The following EHF variants were observed in gnomAD, a reference collection of about 807,000 sequenced individuals.
The protein encoded by EHF is ETS homologous factor, also known as ESE3 transcription factor.
A neutral mutation model predicts 45.1 loss-of-function variants in EHF; 14 were observed. The observed-to-expected ratio is 0.31, with a 90% CI of 0.21 to 0.49. EHF has a LOEUF of 0.49. EHF is among the 20% of genes least tolerant of loss of function. The pLI is 0.99. For synonymous variants in EHF, 136 were observed against 131.8 expected (o/e 1.03, Z -0.22); for missense variants, 282 against 371.4 (o/e 0.76, Z 1.98).
intron 1 of EHF, among the ~76,000 whole-genome samples, chr11:34,622,686 C>T (rs557775187): frequency 6.6e-6 from 1 of 152,186 alleles, no homozygotes. Flanking sequence ...GATGAAATAA[C>T]TCACCAATTC....
intron 4 of EHF, among the ~76,000 whole-genome samples, chr11:34,650,902 AGG>A (rs1188277633): frequency 6.6e-6 from 1 of 152,172 alleles, no homozygotes; most frequent in Non-Finnish European, 1.5e-5. Context: ...CACTCTTAAA[AGG>A]TGTTTGTTTG....
chr11:34,645,643 G>T (rs983307403), intron 2 of EHF, among the ~76,000 whole-genome samples: 6 of 152,194 alleles, frequency 3.9e-5, no homozygotes, highest in African/African-American at 1.2e-4. Context: ...AAGTTGGGGG[G>T]ATTGGGAATG....
At chr11:34,624,167 T>A (rs184987005) in intron 1 of EHF, 108 of 491,604 alleles carry the variant, frequency 2.2e-4, no homozygotes, top group Non-Finnish European at 2.3e-4. Context: ...GATCGCTCTC[T>A]GGTAGAGTTG....
intron 1 of EHF, among the ~76,000 whole-genome samples, chr11:34,638,243 C>T (rs1490289604): frequency 1.3e-5 from 2 of 152,174 alleles, no homozygotes; most frequent in African/African-American, 4.8e-5. Flanking sequence ...TATAGTTTTT[C>T]TTTGTGTGTG....
At chr11:34,637,687 C>G (rs1193284658) in intron 1 of EHF, among the ~76,000 whole-genome samples, 1 of 152,172 alleles carries the variant, frequency 6.6e-6, no homozygotes, top group African/African-American at 2.4e-5. Flanking sequence ...AGGGCTCCTT[C>G]TCTTCAAATA....
chr11:34,644,383 A>G (rs141057346), intron 2 of EHF, among the ~76,000 whole-genome samples: 4 of 152,370 alleles, frequency 2.6e-5, no homozygotes, highest in African/African-American at 9.6e-5. Context: ...ATCCAGCCCA[A>G]GGTCTGTGTA....
chr11:34,639,203 A>C lies in EHF; in HGVS notation c.-3-3425A>C, dbSNP rs114550074. 1.9e-3 allele frequency among the ~76,000 whole-genome samples: 296 copies of C among 152,092 alleles called. 1 individual carries two copies. Among genetic ancestry groups the C allele is most frequent in the African/African-American group, 7.0e-3 (290 of 41,516 alleles). On this transcript the variant is annotated intron_variant, in intron 1 of 8. Coordinates refer to ENST00000257831, the MANE Select transcript of EHF (RefSeq NM_012153.6). ...TCTAACCCAGGAATCTCAGATTCTG[A>C]AGTCTCTACTTCCACACATTTGATG...
intron 1 of EHF, among the ~76,000 whole-genome samples, chr11:34,625,534 T>G (rs904030847): frequency 1.3e-5 from 2 of 152,206 alleles, no homozygotes; most frequent in Non-Finnish European, 2.9e-5. Context: ...AGGAAGACCC[T>G]GTGGCTGCCC....
intron 6 of EHF, among the ~76,000 whole-genome samples, chr11:34,652,317 C>T (rs758070388): frequency 1.3e-4 from 20 of 152,148 alleles, no homozygotes; most frequent in Admixed American, 3.9e-4. Flanking sequence ...AGTCTAATTC[C>T]GATGACTCAT....
intron 2 of EHF, among the ~76,000 whole-genome samples, chr11:34,642,975 G>T (rs76790768): frequency 6.6e-6 from 1 of 152,106 alleles, no homozygotes; most frequent in African/African-American, 2.4e-5. Context: ...GGCAGTGAAG[G>T]GGGGTAGAAG....
intron 1 of EHF, among the ~76,000 whole-genome samples, chr11:34,641,714 G>A (rs1458394741): frequency 6.6e-6 from 1 of 152,192 alleles, no homozygotes; most frequent in African/African-American, 2.4e-5. Flanking sequence ...TTGGGGATCT[G>A]TTCTGAAAGG....
intron 1 of EHF, among the ~76,000 whole-genome samples, chr11:34,625,201 T>C (rs1852266376): frequency 8.6e-6 from 1 of 115,926 alleles, no homozygotes; most frequent in Non-Finnish European, 2.0e-5. Context: ...TACTAAGACC[T>C]GACACCTGGA....
At chr11:34,649,180 A>G in intron 4 of EHF, 99 bp downstream of exon 4, 1 of 1,242,078 alleles carries the variant, frequency 8.1e-7, no homozygotes, top group Non-Finnish European at 1.2e-6. Flanking sequence ...AAGTTTTTGC[A>G]GGAAACACAG....
chr11:34,625,146 C>A (rs1287511537), intron 1 of EHF, among the ~76,000 whole-genome samples: 1 of 152,118 alleles, frequency 6.6e-6, no homozygotes, highest in Non-Finnish European at 1.5e-5. Flanking sequence ...TAAATGGATT[C>A]TTTAGGGCCT....
rs957163026 is a variant in EHF, at chr11:34,659,021, T to C, written c.*90T>C. 9 of 975,570 alleles carry C rather than the reference T, an allele frequency of 9.2e-6. No individual in the cohort carries two copies. Among genetic ancestry groups the C allele is most frequent in the African/African-American group, 1.7e-5 (1 of 60,368 alleles). The allele number at this position is 975,570 out of a possible 1,614,324, so 60.4% of individuals were successfully genotyped here. The stretch of plus-strand genomic sequence containing the variant: ...GACGTAAATATTTCAAAGACTACTT[T>C]TCTCTGATATTTATGTACCATGAGG... On this transcript the variant is annotated 3_prime_UTR_variant, in exon 9 of 9. Transcript: ENST00000257831.
At chr11:34,621,979 C>G (rs1025446898) in intron 1 of EHF, 1 of 152,946 alleles carries the variant, frequency 6.5e-6, no homozygotes, top group African/African-American at 2.4e-5. Flanking sequence ...AAGGGCTTCA[C>G]TGTGTAACAA....
At chr11:34,624,333 G>A (rs1331710713) in intron 1 of EHF, 6 of 985,256 alleles carry the variant, frequency 6.1e-6, no homozygotes, top group East Asian at 1.1e-4. Flanking sequence ...CCGGGTCTGC[G>A]GCGGGGATTG....
chr11:34,657,296 G>A (rs546232351), intron 7 of EHF, among the ~76,000 whole-genome samples: 11 of 152,228 alleles, frequency 7.2e-5, no homozygotes, highest in African/African-American at 2.6e-4. Context: ...GGGAAGAGGA[G>A]CGAGATAAGA....
At position 34,661,271 on chromosome 11, in the gene EHF, A is replaced by AG. The variant is rs1056288093; in HGVS notation, c.*2344dup. Among the ~76,000 whole-genome samples the AG allele has an allele frequency of 6.4e-4, 98 of 152,264 alleles. 2 individuals are homozygous for AG. The highest frequency in any genetic ancestry group is 3.4e-3 in the Middle Eastern group (1 of 294). Reference sequence around the variant, plus strand: ...TGTGTCTGAGTTGTGTGATTTTATTAGGGGCATCTGCCAATTCTCTCACTG... The same window carrying AG: ...TGTGTCTGAGTTGTGTGATTTTATTAGGGGGCATCTGCCAATTCTCTCACTG... On this transcript the variant is annotated 3_prime_UTR_variant, in exon 9 of 9. Coordinates refer to ENST00000257831, the MANE Select transcript of EHF (RefSeq NM_012153.6).
Sources: allele counts gnomAD v4.1 joint callset (sites outside exome capture counted in the v4.1 genomes callset), GRCh38; gene constraint gnomAD v4.1.1; transcripts MANE v1.5; gene names NCBI Gene and HGNC (gene_info 2026-07-23, HGNC 2026-07-21).